PCDH9: variants seen among roughly 807,000 people sequenced by gnomAD.
PCDH9 encodes the protein protocadherin 9, also known as protocadherin-9.
Under a neutral mutation model 70.6 loss-of-function variants are expected in PCDH9, and 24 were observed. That is an observed-to-expected ratio of 0.34 (90% CI 0.25 to 0.48). The LOEUF is 0.48. Ranked by LOEUF, PCDH9 falls within the 20% of genes least tolerant of loss-of-function variation. The pLI is 0.99. For synonymous variants in PCDH9, 562 were observed against 558.5 expected (o/e 1.01, Z -0.09); for missense variants, 1,281 against 1,503.6 (o/e 0.85, Z 2.45).
intron 2 of PCDH9, chr13:67,212,354 T>A (rs2089485575): frequency 6.6e-6 from 1 of 152,060 alleles, no homozygotes; most frequent in African/African-American, 2.4e-5. Flanking sequence ...AGTGAACTCA[T>A]ATTTTTTTTA....
chr13:66,744,453 A>G (rs1247010849), intron 3 of PCDH9, among the ~76,000 whole-genome samples: 1 of 152,164 alleles, frequency 6.6e-6, no homozygotes, highest in Non-Finnish European at 1.5e-5. Context: ...CCGAAACTAA[A>G]TGAAAGGTAC....
chr13:66,664,797 C>G (rs2078069905), intron 3 of PCDH9, among the ~76,000 whole-genome samples: 1 of 151,938 alleles, frequency 6.6e-6, no homozygotes, highest in African/African-American at 2.4e-5. Flanking sequence ...TCAACTTTAC[C>G]TTTTGTTTAG....
chr13:67,071,173 G>A (rs1288603251), intron 2 of PCDH9, among the ~76,000 whole-genome samples: 2 of 152,076 alleles, frequency 1.3e-5, no homozygotes, highest in African/African-American at 4.8e-5. Flanking sequence ...ATTTCATGAC[G>A]ATAGAATAAT....
chr13:67,158,452 T>C (rs1238092688), intron 2 of PCDH9, among the ~76,000 whole-genome samples: 1 of 152,176 alleles, frequency 6.6e-6, no homozygotes, highest in African/African-American at 2.4e-5. Flanking sequence ...AAATCCTCAA[T>C]ATGATAGTAT....
chr13:66,395,254 T>C (rs1418791985), intron 4 of PCDH9, among the ~76,000 whole-genome samples: 4 of 152,186 alleles, frequency 2.6e-5, no homozygotes, highest in African/African-American at 9.7e-5. Context: ...TATTGATACA[T>C]TCAAAAATCT....
At chr13:66,417,724 C>T (rs572976404) in intron 4 of PCDH9, among the ~76,000 whole-genome samples, 11 of 152,214 alleles carry the variant, frequency 7.2e-5, no homozygotes, top group African/African-American at 2.6e-4. Flanking sequence ...TAGTATCTCA[C>T]TGTGGTTTTG....
In PCDH9 at chr13:66,536,317, A is replaced by G. The variant is rs1198473625; in HGVS notation, c.3340+94893T>C. Among the ~76,000 whole-genome samples, 3 of 152,222 alleles carry G rather than the reference A, an allele frequency of 2.0e-5. No individual in the cohort carries two copies. The East Asian group carries it at 5.8e-4, about 29-fold the overall frequency. ...CAGTGCTCTTCCTTTTATACCATGC[A>G]GGTGTGAATGTAATAACAGCAACAA... On this transcript the variant is annotated intron_variant, in intron 4 of 4. Coordinates refer to ENST00000377865, the MANE Select transcript of PCDH9 (RefSeq NM_203487.3).
intron 2 of PCDH9, chr13:67,202,609 T>G (rs1263294275): frequency 2.0e-5 from 3 of 152,082 alleles, no homozygotes; most frequent in Non-Finnish European, 4.4e-5. Context: ...ATACACCTTC[T>G]GCAAGAAGTC....
At chr13:66,747,134 G>T (rs9540891) in intron 3 of PCDH9, among the ~76,000 whole-genome samples, 1 of 152,076 alleles carries the variant, frequency 6.6e-6, no homozygotes, top group African/African-American at 2.4e-5. Flanking sequence ...GGTGGATCAC[G>T]AGGTCAGGAG....
intron 4 of PCDH9, among the ~76,000 whole-genome samples, chr13:66,553,203 A>G (rs753180001): frequency 2.6e-5 from 4 of 152,174 alleles, no homozygotes; most frequent in African/African-American, 9.7e-5. Context: ...ATCACTAACT[A>G]TTTTGATGCA....
chr13:66,389,313 GA>G (rs574403906), intron 4 of PCDH9, among the ~76,000 whole-genome samples: 1 of 152,016 alleles, frequency 6.6e-6, no homozygotes, highest in East Asian at 1.9e-4. Flanking sequence ...AAAGAACTTT[GA>G]AAAAAATGTG....
intron 2 of PCDH9, among the ~76,000 whole-genome samples, chr13:67,184,687 C>T (rs1233800023): frequency 3.3e-5 from 5 of 152,132 alleles, no homozygotes; most frequent in Non-Finnish European, 7.4e-5. Flanking sequence ...GCTGAGATCG[C>T]ACCACTGCAT....
chr13:67,229,991 A>C lies in PCDH9; in HGVS notation c.-347T>G, dbSNP rs1787398426. ...GGATTTGTCGTTAGTCATTCTCTCCACATTTCGTCTCTCTTACCCACTGGG... is the reference window on the plus strand; with the variant it reads ...GGATTTGTCGTTAGTCATTCTCTCCCCATTTCGTCTCTCTTACCCACTGGG... On this transcript the variant is annotated 5_prime_UTR_variant, in exon 1 of 5. Transcript: ENST00000377865. 6.6e-6 allele frequency: 1 copy of C among 152,136 alleles called. No individual in the cohort carries two copies. The highest frequency in any genetic ancestry group is 2.4e-5 in the African/African-American group (1 of 41,404). 9.4% of individuals were successfully genotyped at this position (152,136 alleles called of 1,614,324 possible).
At chr13:66,873,979 G>A (rs2081749059) in intron 3 of PCDH9, among the ~76,000 whole-genome samples, 1 of 123,600 alleles carries the variant, frequency 8.1e-6, no homozygotes, top group Admixed American at 1.0e-4. Context: ...CACTGTGTTA[G>A]CCAGGCTAGA....
intron 3 of PCDH9, among the ~76,000 whole-genome samples, chr13:66,783,046 G>A (rs573697599): frequency 3.9e-5 from 6 of 152,178 alleles, no homozygotes; most frequent in South Asian, 2.1e-4. Context: ...TCCATAGGCC[G>A]TTTAGCTTGT....
At chr13:66,649,942 C>A (rs1211136192) in intron 3 of PCDH9, among the ~76,000 whole-genome samples, 3 of 150,472 alleles carry the variant, frequency 2.0e-5, no homozygotes, top group South Asian at 2.1e-4. Context: ...TATTTGGAAG[C>A]CTCATAGTAA....
At chr13:66,466,041 C>A (rs1186174954) in intron 4 of PCDH9, among the ~76,000 whole-genome samples, 2 of 151,882 alleles carry the variant, frequency 1.3e-5, no homozygotes, top group Admixed American at 6.6e-5. Flanking sequence ...ATATAGAAAC[C>A]TGGTTCTGAA....
chr13:67,227,826 A>G lies in PCDH9; in HGVS notation c.615T>C (p.Ile205=), dbSNP rs773150246. 6.2e-7 allele frequency: 1 copy of G among 1,614,112 alleles called. No individual in the cohort carries two copies. Among genetic ancestry groups the G allele is most frequent in the Non-Finnish European group, 8.5e-7 (1 of 1,179,980 alleles). Residue 205 remains isoleucine, a synonymous_variant, in exon 2 of 5, where the codon ATT becomes ATC. Transcript: ENST00000377865. This position sits in a 1 kb window ranked among gnomAD's most constrained non-coding sequence, Gnocchi z 4.6. ...GTTCTCTATCCAAGTTTTGCTGAAC[A>G]ATCAGTTGTGGCCACTTCTCTCCCT... ...TPEGEKWPQL[I]VQQNLDREQK...
At chr13:66,672,259 C>T (rs142650310) in intron 3 of PCDH9, among the ~76,000 whole-genome samples, 156 of 152,302 alleles carry the variant, frequency 1.0e-3, no homozygotes, top group South Asian at 9.9e-3. Context: ...TTTCTTTCTA[C>T]GTATTGTAAA....
Sources: allele counts gnomAD v4.1 joint callset (sites outside exome capture counted in the v4.1 genomes callset), GRCh38; gene constraint gnomAD v4.1.1; non-coding constraint Gnocchi (gnomAD v3.1); transcripts MANE v1.5; gene names NCBI Gene and HGNC (gene_info 2026-07-23, HGNC 2026-07-21).